SASH1: variants seen among roughly 807,000 people sequenced by gnomAD.
SASH1 encodes the protein SAM and SH3 domain containing 1.
Under a neutral mutation model 125.2 loss-of-function variants are expected in SASH1, and 44 were observed. The observed-to-expected ratio is 0.35, with a 90% confidence interval of 0.28 to 0.45. SASH1 has a LOEUF of 0.45. Among genes scored for constraint, SASH1 ranks in the 20% least tolerant of loss-of-function variants. The pLI, the probability that SASH1 is intolerant of heterozygous loss-of-function variation, is 1.00. For synonymous variants in SASH1, 639 were observed against 649.1 expected (o/e 0.98, Z 0.24); for missense variants, 1,426 against 1,614.5 (o/e 0.88, Z 2.00).
At chr6:148,276,950 C>T (rs4400230) in intron 1 of SASH1, among the ~76,000 whole-genome samples, 50,612 of 151,994 alleles carry the variant, frequency 0.33, 8,640 homozygotes, top group African/African-American at 0.42. Flanking sequence ...GATAATTATG[C>T]GTTACTAAAA....
At chr6:148,435,238 C>T (rs929699934) in intron 2 of SASH1, among the ~76,000 whole-genome samples, 22 of 151,804 alleles carry the variant, frequency 1.4e-4, no homozygotes, top group Non-Finnish European at 2.5e-4. Context: ...ATTATCTGGG[C>T]GTGGTGGTGG....
chr6:148,361,743 C>T (rs951238424), intron 1 of SASH1, among the ~76,000 whole-genome samples: 2 of 152,020 alleles, frequency 1.3e-5, no homozygotes, highest in Non-Finnish European at 2.9e-5. Flanking sequence ...CTGGCCATGG[C>T]AGCATAGAAA....
At chr6:148,500,950 C>T (rs904528783) in intron 8 of SASH1, among the ~76,000 whole-genome samples, 2 of 152,136 alleles carry the variant, frequency 1.3e-5, no homozygotes, top group Non-Finnish European at 2.9e-5. Context: ...TAATTCCTCT[C>T]TGAAGGTATT....
In SASH1 at chr6:148,383,130, A is replaced by G. The variant is rs374025050; in HGVS notation, c.157-7004A>G. 1.5e-4 allele frequency among the ~76,000 whole-genome samples: 23 copies of G among 152,332 alleles called. No homozygotes were observed. In the East Asian group the frequency reaches 3.9e-3, roughly 26 times the overall value. On this transcript the variant is annotated intron_variant, in intron 1 of 19. Transcript: ENST00000367467. ...AGAACAGTAACATTACAGGGATTCA[A>G]TGAGGCCGAACAAGAAAACGAGAAT...
At chr6:148,209,053 C>T in the SASH1 span, among the ~76,000 whole-genome samples, 1 of 152,156 alleles carries the variant, frequency 6.6e-6, no homozygotes, top group Non-Finnish European at 1.5e-5. Context: ...TAGTAGCTTT[C>T]GCCCCAAAGC....
chr6:148,339,466 A>G (rs6906902), upstream of SASH1, among the ~76,000 whole-genome samples: 7,118 of 152,064 alleles, frequency 0.047, 252 homozygotes, highest in South Asian at 0.14. Flanking sequence ...GTTGATTTCT[A>G]TAAGTGCCAA....
At chr6:148,445,929 C>G (rs1382788891) in intron 4 of SASH1, among the ~76,000 whole-genome samples, 2 of 151,886 alleles carry the variant, frequency 1.3e-5, no homozygotes, top group Non-Finnish European at 2.9e-5. Context: ...GGGGCATATA[C>G]TAGAACAAAA....
At chr6:148,392,989 C>T (rs1783791366) in intron 2 of SASH1, among the ~76,000 whole-genome samples, 1 of 151,602 alleles carries the variant, frequency 6.6e-6, no homozygotes, top group South Asian at 2.1e-4. Flanking sequence ...AAGATTACCA[C>T]AGGACAACTT....
At position 148,544,471 on chromosome 6, in the gene SASH1, C is replaced by T. The variant is rs1562503324; in HGVS notation, c.3001C>T (p.His1001Tyr). 1.9e-6 allele frequency: 3 copies of T among 1,614,160 alleles called. No homozygotes were observed. The highest frequency in any genetic ancestry group is 1.3e-5 in the African/African-American group (1 of 75,072). The stretch of plus-strand genomic sequence containing the variant: ...CAGAGAACGCCTTGCTAACGGACTC[C>T]ACCCTGTTCCCATGGGCCCCAGTGG... The part of the protein sequence containing the change: ...KSRERLANGL[H>Y]PVPMGPSGAL... Residue 1001 changes from histidine (H) to tyrosine (Y), a missense_variant, in exon 18 of 20, where the codon CAC becomes TAC. By Grantham distance (83) the His-to-Tyr change is moderately conservative. Around this residue, in one of 3 missense-constraint regions of SASH1, gnomAD observed 634 missense variants for 694.4 expected, o/e 0.91. Transcript: ENST00000367467. This position sits in a 1 kb window ranked among gnomAD's most constrained non-coding sequence, Gnocchi z 6.4.
intron 2 of SASH1, among the ~76,000 whole-genome samples, chr6:148,423,179 C>T (rs1450607199): frequency 6.6e-6 from 1 of 152,202 alleles, no homozygotes; most frequent in Non-Finnish European, 1.5e-5. Context: ...CCTTGTGATC[C>T]GCCTGCCTCA....
the SASH1 span, among the ~76,000 whole-genome samples, chr6:148,216,106 G>A: frequency 5.3e-5 from 8 of 152,162 alleles, no homozygotes; most frequent in East Asian, 1.9e-4. Context: ...TGATCTGCCC[G>A]CCTCGGCCTC....
chr6:148,425,764 C>G (rs2114960358), intron 2 of SASH1, among the ~76,000 whole-genome samples: 1 of 142,768 alleles, frequency 7.0e-6, no homozygotes, highest in Non-Finnish European at 1.5e-5. Flanking sequence ...CCCTGTCCCC[C>G]TGTGTCCCCC....
intron 1 of SASH1, among the ~76,000 whole-genome samples, chr6:148,386,638 C>A (rs932971191): frequency 2.0e-5 from 3 of 152,162 alleles, no homozygotes; most frequent in Non-Finnish European, 4.4e-5. Flanking sequence ...TGTTTCCTGG[C>A]TGGATGAAGG....
intron 1 of SASH1, among the ~76,000 whole-genome samples, chr6:148,336,942 C>CAT (rs1781174162): frequency 6.6e-6 from 1 of 152,212 alleles, no homozygotes; most frequent in Non-Finnish European, 1.5e-5. Flanking sequence ...AAACTAATTA[C>CAT]ATTTCGTATG....
the SASH1 span, among the ~76,000 whole-genome samples, chr6:148,232,354 A>G: frequency 6.6e-6 from 1 of 152,204 alleles, no homozygotes; most frequent in Non-Finnish European, 1.5e-5. Context: ...TCAACAGGCA[A>G]CTGTCGATAT....
chr6:148,508,560 G>C, intron 8 of SASH1: 1 of 1,058,532 alleles, frequency 9.4e-7, no homozygotes, highest in Non-Finnish European at 1.1e-6. Context: ...GTGAATAGGA[G>C]ATTTGCTTAG....
At chr6:148,524,945 G>A (rs1781045699) in intron 10 of SASH1, 2 of 240,308 alleles carry the variant, frequency 8.3e-6, no homozygotes, top group Admixed American at 1.0e-4. Context: ...GATGTTAGGG[G>A]AAGTTCTGTG....
the SASH1 span, among the ~76,000 whole-genome samples, chr6:148,250,596 T>C: frequency 6.6e-6 from 1 of 151,204 alleles, no homozygotes; most frequent in Non-Finnish European, 1.5e-5. Context: ...AAAACTGTAT[T>C]TAAAAAAAAA....
chr6:148,475,887 T>TA (rs1217406282), intron 7 of SASH1, among the ~76,000 whole-genome samples: 1 of 152,112 alleles, frequency 6.6e-6, no homozygotes, highest in African/African-American at 2.4e-5. Context: ...TTAGGTATAA[T>TA]AAAAAATTAA....
Sources: allele counts gnomAD v4.1 joint callset (sites outside exome capture counted in the v4.1 genomes callset), GRCh38; gene constraint gnomAD v4.1.1; regional missense constraint gnomAD v4.1.1; non-coding constraint Gnocchi (gnomAD v3.1); transcripts MANE v1.5; gene names NCBI Gene and HGNC (gene_info 2026-07-23, HGNC 2026-07-21).